The following SNTG1 variants were observed in gnomAD, a reference collection of about 807,000 sequenced individuals.
SNTG1 encodes the protein syntrophin gamma 1.
SNTG1 carries 39 observed loss-of-function variants against 74.7 expected under a neutral mutation model. The observed-to-expected ratio is 0.52, with a 90% CI of 0.40 to 0.68. SNTG1 has a LOEUF of 0.68. SNTG1 is among the 30% of genes least tolerant of loss of function. SNTG1 has a pLI of 0.00. For missense variants in SNTG1, 685 were observed against 609.5 expected (o/e 1.12, Z -1.30); for synonymous variants, 254 against 217.1 (o/e 1.17, Z -1.49).
At chr8:50,206,209 G>A (rs1328948945) in intron 2 of SNTG1, among the ~76,000 whole-genome samples, 1 of 152,146 alleles carries the variant, frequency 6.6e-6, no homozygotes. Context: ...ACCATGGAAT[G>A]TTCTTCCGTT....
intron 2 of SNTG1, among the ~76,000 whole-genome samples, chr8:50,270,751 A>C (rs2087735052): frequency 6.6e-6 from 1 of 152,194 alleles, no homozygotes; most frequent in Non-Finnish European, 1.5e-5. Context: ...AGATAAAATC[A>C]AAAGGCTTAG....
At chr8:49,951,233 A>G (rs1809668719) in intron 1 of SNTG1, among the ~76,000 whole-genome samples, 1 of 152,206 alleles carries the variant, frequency 6.6e-6, no homozygotes, top group Non-Finnish European at 1.5e-5. Flanking sequence ...AAAGGTGAAG[A>G]CAGCAATATT....
chr8:50,215,455 C>T (rs1450692051), intron 2 of SNTG1, among the ~76,000 whole-genome samples: 2 of 146,162 alleles, frequency 1.4e-5, no homozygotes, highest in Non-Finnish European at 3.0e-5. Flanking sequence ...TATGTAGTCT[C>T]TCTATATAAT....
At chr8:50,574,276 C>A (rs965398174) in intron 12 of SNTG1, among the ~76,000 whole-genome samples, 2 of 152,026 alleles carry the variant, frequency 1.3e-5, no homozygotes, top group African/African-American at 2.4e-5. Context: ...TTAGTATATT[C>A]TTTCACTTAA....
intron 1 of SNTG1, among the ~76,000 whole-genome samples, chr8:50,020,976 G>A (rs938596394): frequency 6.6e-6 from 1 of 152,124 alleles, no homozygotes; most frequent in African/African-American, 2.4e-5. Context: ...CTACAGGCCT[G>A]CTACCTCAGA....
intron 1 of SNTG1, among the ~76,000 whole-genome samples, chr8:50,107,032 T>G (rs990843557): frequency 2.0e-5 from 3 of 152,182 alleles, no homozygotes; most frequent in African/African-American, 7.2e-5. Flanking sequence ...AATGAGCAAC[T>G]GAAGCTCCAG....
At chr8:49,928,721 C>A (rs1230816096) in intron 1 of SNTG1, among the ~76,000 whole-genome samples, 1 of 151,740 alleles carries the variant, frequency 6.6e-6, no homozygotes, top group Non-Finnish European at 1.5e-5. Flanking sequence ...AGAAAATTTT[C>A]TTGTTTGTAA....
At chr8:50,200,165 G>A (rs1011298179) in intron 2 of SNTG1, among the ~76,000 whole-genome samples, 6 of 152,102 alleles carry the variant, frequency 3.9e-5, no homozygotes, top group African/African-American at 1.4e-4. Context: ...GACTCACTGA[G>A]TCCTCAAACA....
chr8:50,455,387 T>C (rs909515519), intron 8 of SNTG1, among the ~76,000 whole-genome samples: 2 of 152,248 alleles, frequency 1.3e-5, no homozygotes, highest in African/African-American at 2.4e-5. Context: ...GAATAGAATT[T>C]ATTAGGTAAT....
rs2092716723 is a variant in SNTG1 at position 50,395,509 on chromosome 8, T to TTTG, written c.27+1246_27+1247insGTT. ...AAATTTTAATTGTCTAATTTCTGTT[T>TTTG]TTTTTTTTTTTTTTAATGGAGTCTC... is the stretch of plus-strand genomic sequence containing the variant. On this transcript the variant is annotated intron_variant, in intron 3 of 18. Transcript: ENST00000642720. Among the ~76,000 whole-genome samples, 11 of 149,198 alleles carry TTTG rather than the reference T, an allele frequency of 7.4e-5. No homozygotes were observed. The South Asian group carries it at 1.1e-3, about 14-fold the overall frequency.
intron 12 of SNTG1, among the ~76,000 whole-genome samples, chr8:50,553,751 A>G (rs1424511995): frequency 6.6e-6 from 1 of 152,074 alleles, no homozygotes; most frequent in East Asian, 1.9e-4. Flanking sequence ...CATTATTTTA[A>G]CTCTTTAATA....
chr8:50,400,733 G>A (rs1481125228), intron 3 of SNTG1, among the ~76,000 whole-genome samples: 2 of 152,104 alleles, frequency 1.3e-5, no homozygotes, highest in East Asian at 1.9e-4. Context: ...GTTTTGAATT[G>A]CATTTTCCTT....
intron 8 of SNTG1, among the ~76,000 whole-genome samples, chr8:50,496,577 A>C (rs1423428296): frequency 6.6e-6 from 1 of 152,152 alleles, no homozygotes; most frequent in Non-Finnish European, 1.5e-5. Flanking sequence ...TGTTGTATGA[A>C]CTTTTCTTCT....
chr8:49,913,896 G>A (rs990474876), intron 1 of SNTG1, among the ~76,000 whole-genome samples: 1 of 152,142 alleles, frequency 6.6e-6, no homozygotes, highest in African/African-American at 2.4e-5. Context: ...GTATATGGCC[G>A]CAGTTCCCTC....
chr8:50,423,046 T>A (rs1444811633), intron 4 of SNTG1, among the ~76,000 whole-genome samples: 1 of 152,202 alleles, frequency 6.6e-6, no homozygotes, highest in Middle Eastern at 3.2e-3. Context: ...CAAACTTTTC[T>A]CACTGATACA....
chr8:50,464,587 A>T (rs1482352711), intron 8 of SNTG1, among the ~76,000 whole-genome samples: 5 of 152,056 alleles, frequency 3.3e-5, no homozygotes, highest in Non-Finnish European at 7.4e-5. Flanking sequence ...GATTTGTGGC[A>T]CCCTATAAAT....
intron 13 of SNTG1, among the ~76,000 whole-genome samples, chr8:50,635,593 C>CT (rs1316288716): frequency 3.9e-5 from 6 of 152,170 alleles, no homozygotes; most frequent in African/African-American, 7.2e-5. Context: ...ACAGGGAGTG[C>CT]TTCCAGGCAA....
intron 1 of SNTG1, among the ~76,000 whole-genome samples, chr8:50,149,449 G>T (rs1205669105): frequency 6.6e-6 from 1 of 152,144 alleles, no homozygotes; most frequent in Admixed American, 6.5e-5. Flanking sequence ...TGTTGTTTTA[G>T]ACATGAAGTC....
intron 15 of SNTG1, among the ~76,000 whole-genome samples, chr8:50,687,088 T>C (rs1313212738): frequency 6.7e-6 from 1 of 149,940 alleles, no homozygotes; most frequent in Non-Finnish European, 1.5e-5. Context: ...TGAGCCGAGA[T>C]TGCGCCACTG....
Sources: gnomAD v4.1 joint callset for allele counts (sites outside exome capture counted in the v4.1 genomes callset) on GRCh38, gnomAD v4.1.1 for gene constraint, MANE v1.5 for transcripts, NCBI Gene and HGNC (gene_info 2026-07-23, HGNC 2026-07-21) for gene names.